Variants in RBFOX1 observed in about 807,000 individuals in gnomAD.
RBFOX1 encodes the protein RNA binding fox-1 homolog 1, also known as RNA binding protein fox-1 homolog 1.
In RBFOX1, 8 loss-of-function variants were observed where a neutral mutation model predicts 57.7. The ratio of observed to expected loss-of-function variants is 0.14; its 90% CI spans 0.08 to 0.25. The LOEUF (loss-of-function observed/expected upper bound fraction) is 0.25. Ranked by LOEUF, RBFOX1 falls within the 10% of genes least tolerant of loss-of-function variation. The probability of loss-of-function intolerance (pLI) is 1.00; values close to 1 mark genes in which losing one functional copy is unlikely to be tolerated. For synonymous variants in RBFOX1, 326 were observed against 222.4 expected (o/e 1.47, Z -4.15); for missense variants, 611 against 548.5 (o/e 1.11, Z -1.14).
chr16:7,699,108 G>C (rs1216353183), intron 14 of RBFOX1, among the ~76,000 whole-genome samples: 1 of 152,162 alleles, frequency 6.6e-6, no homozygotes, highest in Non-Finnish European at 1.5e-5. Context: ...AGGGAGCCTG[G>C]AAATCTGCAT....
At chr16:7,654,942 C>G (rs1279009602) in intron 12 of RBFOX1, among the ~76,000 whole-genome samples, 1 of 152,196 alleles carries the variant, frequency 6.6e-6, no homozygotes, top group African/African-American at 2.4e-5. Context: ...AGAAACCCTG[C>G]TCTATGTTAA....
At chr16:7,251,463 T>G (rs941766433) in intron 4 of RBFOX1, among the ~76,000 whole-genome samples, 1 of 146,664 alleles carries the variant, frequency 6.8e-6, no homozygotes, top group Non-Finnish European at 1.5e-5. Flanking sequence ...CAGGCTGGAG[T>G]GCAGTGGCGC....
At chr16:6,485,419 A>G (rs1408026096) in intron 2 of RBFOX1, among the ~76,000 whole-genome samples, 1 of 151,126 alleles carries the variant, frequency 6.6e-6, no homozygotes, top group African/African-American at 2.4e-5. Flanking sequence ...TTTTTCATCT[A>G]CGTGTATTTC....
At chr16:6,881,089 G>C (rs966415908) in intron 3 of RBFOX1, among the ~76,000 whole-genome samples, 17 of 152,168 alleles carry the variant, frequency 1.1e-4, no homozygotes, top group African/African-American at 4.1e-4. Flanking sequence ...TTTACCCACT[G>C]AGTCTGAGCT....
intron 3 of RBFOX1, among the ~76,000 whole-genome samples, chr16:6,668,076 C>G (rs1212624321): frequency 6.6e-6 from 1 of 152,114 alleles, no homozygotes; most frequent in Non-Finnish European, 1.5e-5. Flanking sequence ...GGATACCAAA[C>G]CCTCAATTAC....
chr16:7,182,473 C>G (rs917575230), intron 4 of RBFOX1, among the ~76,000 whole-genome samples: 2 of 152,068 alleles, frequency 1.3e-5, no homozygotes, highest in Admixed American at 1.3e-4. Flanking sequence ...GTTGTCTGTT[C>G]TTGTTTTCCT....
intron 2 of RBFOX1, among the ~76,000 whole-genome samples, chr16:6,447,439 A>G (rs2094506442): frequency 2.0e-5 from 3 of 152,234 alleles, no homozygotes; most frequent in Non-Finnish European, 4.4e-5. Context: ...AAAATGAGGT[A>G]GGCGTTAAGT....
At chr16:6,879,513 C>T (rs1211043863) in intron 3 of RBFOX1, among the ~76,000 whole-genome samples, 2 of 152,158 alleles carry the variant, frequency 1.3e-5, no homozygotes, top group South Asian at 2.1e-4. Flanking sequence ...TACAAACTTA[C>T]TTGCTACAAA....
At chr16:6,109,657 C>T (rs2096421428) in intron 1 of RBFOX1, among the ~76,000 whole-genome samples, 1 of 152,004 alleles carries the variant, frequency 6.6e-6, no homozygotes, top group South Asian at 2.1e-4. Context: ...AATTTTTATG[C>T]TTTAGAAATA....
At chr16:6,469,758 C>T (rs1486453708) in intron 2 of RBFOX1, among the ~76,000 whole-genome samples, 1 of 152,144 alleles carries the variant, frequency 6.6e-6, no homozygotes, top group African/African-American at 2.4e-5. Flanking sequence ...TTTGAGCTTC[C>T]TGCAAAAGGA....
At chr16:6,284,355 A>G (rs1400410950) in intron 1 of RBFOX1, among the ~76,000 whole-genome samples, 2 of 152,166 alleles carry the variant, frequency 1.3e-5, no homozygotes, top group Non-Finnish European at 2.9e-5. Flanking sequence ...AATCCCAATG[A>G]TGCTTGCTGG....
chr16:6,659,030 T>C (rs10220964), intron 3 of RBFOX1, among the ~76,000 whole-genome samples: 112,735 of 151,178 alleles, frequency 0.75, 42,118 homozygotes, highest in Admixed American at 0.78. Flanking sequence ...TCACTTGGAG[T>C]GGCTGTATGG....
At chr16:6,658,947 T>TTTTTTG (rs1603156736) in intron 3 of RBFOX1, among the ~76,000 whole-genome samples, 1 of 149,648 alleles carries the variant, frequency 6.7e-6, no homozygotes, top group East Asian at 2.0e-4. Flanking sequence ...TTTTTTTTGT[T>TTTTTTG]TTTTTTTTTC....
intron 12 of RBFOX1, among the ~76,000 whole-genome samples, chr16:7,656,252 G>C (rs756352820): frequency 1.2e-4 from 19 of 152,178 alleles, no homozygotes; most frequent in Non-Finnish European, 2.1e-4. Context: ...AATTCGTCTT[G>C]TTGCCTGGGT....
intron 3 of RBFOX1, among the ~76,000 whole-genome samples, chr16:5,679,894 G>C (rs756493359): frequency 5.9e-5 from 9 of 152,164 alleles, no homozygotes; most frequent in Non-Finnish European, 4.4e-5. Flanking sequence ...AAAATGTTTA[G>C]TCTGGTGCCT....
chr16:7,447,978 G>T (rs981067090), intron 4 of RBFOX1, among the ~76,000 whole-genome samples: 1 of 152,160 alleles, frequency 6.6e-6, no homozygotes, highest in Non-Finnish European at 1.5e-5. Flanking sequence ...GATCTCTGGG[G>T]TTGGGATGTA....
At chr16:6,988,033 A>G (rs918324760) in intron 3 of RBFOX1, among the ~76,000 whole-genome samples, 1 of 152,160 alleles carries the variant, frequency 6.6e-6, no homozygotes, top group Non-Finnish European at 1.5e-5. Context: ...AAAAAATTAG[A>G]TATGGAAATG....
chr16:6,101,021 G>A (rs1226380030), intron 1 of RBFOX1, among the ~76,000 whole-genome samples: 1 of 152,018 alleles, frequency 6.6e-6, no homozygotes, highest in African/African-American at 2.4e-5. Flanking sequence ...AGAGTTTTAG[G>A]GTCAGATGTC....
intron 2 of RBFOX1, among the ~76,000 whole-genome samples, chr16:6,572,779 A>G (rs1236975360): frequency 1.3e-5 from 2 of 152,078 alleles, no homozygotes; most frequent in African/African-American, 4.8e-5. Flanking sequence ...CTTTTAGTAG[A>G]AACGGGGTTT....
Sources: gnomAD v4.1 joint callset for allele counts (sites outside exome capture counted in the v4.1 genomes callset) on GRCh38, gnomAD v4.1.1 for gene constraint, MANE v1.5 for transcripts, NCBI Gene and HGNC (gene_info 2026-07-23, HGNC 2026-07-21) for gene names.